Variants in DCC observed in about 807,000 individuals in gnomAD.
DCC encodes the protein DCC netrin 1 receptor.
In DCC, 58 loss-of-function variants were observed where a neutral mutation model predicts 172.5. The ratio of observed to expected loss-of-function variants is 0.34; its 90% confidence interval spans 0.27 to 0.42. The LOEUF (loss-of-function observed/expected upper bound fraction) is 0.42, where lower values mean the gene tolerates loss of function less well. DCC is among the 10% of genes least tolerant of loss of function. The pLI, the probability that DCC is intolerant of heterozygous loss-of-function variation, is 1.00. For synonymous variants in DCC, 709 were observed against 644.5 expected, an observed-to-expected ratio of 1.10 and a Z score of -1.52; for missense variants, 1,740 against 1,791.0, an observed-to-expected ratio of 0.97 and a Z score of 0.51.
At chr18:53,293,941 G>T (rs2057035612) in intron 12 of DCC, among the ~76,000 whole-genome samples, 2 of 152,214 alleles carry the variant, frequency 1.3e-5, no homozygotes, top group South Asian at 4.1e-4. Flanking sequence ...GTCATAGATT[G>T]GGGACCTCAC....
intron 5 of DCC, among the ~76,000 whole-genome samples, chr18:53,011,500 T>G (rs2041730433): frequency 6.6e-6 from 1 of 151,742 alleles, no homozygotes. Context: ...TTGTATAGCT[T>G]AAAGACTTAA....
At chr18:52,527,247 C>T (rs890555473) in intron 1 of DCC, among the ~76,000 whole-genome samples, 16 of 152,022 alleles carry the variant, frequency 1.1e-4, no homozygotes, top group African/African-American at 3.9e-4. Context: ...TTCAATTATG[C>T]AGTAATGGTA....
intron 8 of DCC, among the ~76,000 whole-genome samples, chr18:53,161,164 C>T (rs571947679): frequency 6.6e-6 from 1 of 152,220 alleles, no homozygotes; most frequent in Non-Finnish European, 1.5e-5. Flanking sequence ...TGTCTAACTT[C>T]ACTCCAATGT....
At chr18:52,652,269 C>T (rs1568275723) in intron 1 of DCC, among the ~76,000 whole-genome samples, 1 of 152,124 alleles carries the variant, frequency 6.6e-6, no homozygotes, top group South Asian at 2.1e-4. Flanking sequence ...CCCATGGGCA[C>T]TTGGAGACTA....
chr18:53,383,426 C>G (rs1241788644), intron 15 of DCC, among the ~76,000 whole-genome samples: 1 of 151,046 alleles, frequency 6.6e-6, no homozygotes, highest in East Asian at 1.9e-4. Context: ...TTATGCTTTT[C>G]TGTTTGCAGA....
chr18:52,462,495 A>G (rs1988662185), intron 1 of DCC, among the ~76,000 whole-genome samples: 1 of 151,848 alleles, frequency 6.6e-6, no homozygotes, highest in African/African-American at 2.4e-5. Context: ...TTTGCCCACA[A>G]TGCTCCTTCC....
Position 52,818,652 on chromosome 18 carries a change from G to T in DCC, c.412+66278G>T, listed in dbSNP as rs146560080. Among the ~76,000 whole-genome samples the T allele has an allele frequency of 1.8e-4, 28 of 152,142 alleles. 1 individual carries two copies. In the East Asian group the frequency reaches 5.4e-3, roughly 30 times the overall value. ...GAAGGAGAAAGATCATTAGATCAAT[G>T]GTCACCAAACGTTTTATTTAGGTAG... On this transcript the variant is annotated intron_variant, in intron 2 of 28. Coordinates refer to ENST00000442544, the MANE Select transcript of DCC (RefSeq NM_005215.4).
At chr18:53,491,130 G>A (rs1165484397) in intron 26 of DCC, among the ~76,000 whole-genome samples, 1 of 152,118 alleles carries the variant, frequency 6.6e-6, no homozygotes, top group Non-Finnish European at 1.5e-5. Context: ...TTGCAGCCAG[G>A]ATCACAGGAG....
intron 1 of DCC, among the ~76,000 whole-genome samples, chr18:52,493,759 T>C (rs1331091069): frequency 2.0e-5 from 3 of 152,128 alleles, no homozygotes; most frequent in Admixed American, 6.6e-5. Flanking sequence ...CATGGGACTT[T>C]GATTTATTAC....
At chr18:52,370,577 G>A (rs1011077877) in intron 1 of DCC, among the ~76,000 whole-genome samples, 2 of 152,104 alleles carry the variant, frequency 1.3e-5, no homozygotes, top group Non-Finnish European at 2.9e-5. Context: ...TGTGGGGGCA[G>A]GGAAAACATC....
intron 5 of DCC, among the ~76,000 whole-genome samples, chr18:53,053,705 G>A (rs2042365043): frequency 1.3e-5 from 2 of 152,088 alleles, no homozygotes; most frequent in African/African-American, 2.4e-5. Flanking sequence ...TTTGACTGAG[G>A]AAAAATAATA....
At chr18:52,705,688 G>T (rs2036196687) in intron 1 of DCC, among the ~76,000 whole-genome samples, 1 of 152,184 alleles carries the variant, frequency 6.6e-6, no homozygotes, top group Admixed American at 6.5e-5. Context: ...ATTCTGTGCT[G>T]TGTGTTTTTA....
intron 1 of DCC, among the ~76,000 whole-genome samples, chr18:52,512,665 C>T (rs1568206366): frequency 6.6e-6 from 1 of 152,064 alleles, no homozygotes; most frequent in Non-Finnish European, 1.5e-5. Flanking sequence ...TAGGCAGAAG[C>T]CCTGTCCTGA....
chr18:53,045,143 G>C (rs914415941), intron 5 of DCC, among the ~76,000 whole-genome samples: 1 of 151,870 alleles, frequency 6.6e-6, no homozygotes, highest in Non-Finnish European at 1.5e-5. Context: ...TCCTTTAATT[G>C]ATGAATAATA....
intron 12 of DCC, among the ~76,000 whole-genome samples, chr18:53,229,986 A>G (rs1028078591): frequency 3.3e-5 from 5 of 152,154 alleles, no homozygotes; most frequent in African/African-American, 1.2e-4. Flanking sequence ...CTACCTGGCT[A>G]TCTTGTTTTG....
intron 1 of DCC, among the ~76,000 whole-genome samples, chr18:52,593,524 T>C (rs1233575747): frequency 6.6e-6 from 1 of 152,232 alleles, no homozygotes; most frequent in Admixed American, 6.5e-5. Flanking sequence ...TGCTTTCTGC[T>C]TTCCTTTATT....
chr18:52,436,933 C>T (rs1835726), intron 1 of DCC, among the ~76,000 whole-genome samples: 52,234 of 151,938 alleles, frequency 0.34, 12,145 homozygotes, highest in African/African-American at 0.66. Context: ...AAAATGAAAA[C>T]AAAAATTATC....
intron 22 of DCC, among the ~76,000 whole-genome samples, chr18:53,444,934 C>G (rs1181916409): frequency 1.3e-5 from 2 of 152,146 alleles, no homozygotes; most frequent in Admixed American, 6.5e-5. Context: ...CATTGTATCT[C>G]CAACATCTAA....
intron 12 of DCC, among the ~76,000 whole-genome samples, chr18:53,269,940 G>A (rs1253011941): frequency 3.9e-5 from 6 of 152,072 alleles, no homozygotes; most frequent in Non-Finnish European, 7.4e-5. Flanking sequence ...GAATGTTGAC[G>A]GAGAAAGAGC....
Sources: gnomAD v4.1 joint callset for allele counts (sites outside exome capture counted in the v4.1 genomes callset) on GRCh38, gnomAD v4.1.1 for gene constraint, MANE v1.5 for transcripts, NCBI Gene and HGNC (gene_info 2026-07-23, HGNC 2026-07-21) for gene names.